Variants in IL1RAPL2 observed in about 807,000 individuals in gnomAD.
IL1RAPL2 encodes the protein X-linked interleukin-1 receptor accessory protein-like 2.
In IL1RAPL2, 3 loss-of-function variants were observed where a neutral mutation model predicts 44.1. That is an observed-to-expected ratio of 0.07 (90% CI 0.03 to 0.18). The LOEUF (loss-of-function observed/expected upper bound fraction) is 0.18, where lower values mean the gene tolerates loss of function less well. IL1RAPL2 is among the 10% of genes least tolerant of loss of function. IL1RAPL2 has a pLI of 1.00. For synonymous variants in IL1RAPL2, 181 were observed against 178.8 expected, an observed-to-expected ratio of 1.01 and a Z score of -0.10; for missense variants, 391 against 496.4, an observed-to-expected ratio of 0.79 and a Z score of 2.02.
At chrX:105,274,864 A>G (rs1414607752) in intron 5 of IL1RAPL2, among the ~76,000 whole-genome samples, 1 of 111,616 alleles carries the variant, frequency 9.0e-6, no homozygotes, top group Non-Finnish European at 1.9e-5. Flanking sequence ...TTTGCAGGGT[A>G]TCTCAGGGCA....
At chrX:105,136,300 C>T (rs951303129) in intron 2 of IL1RAPL2, among the ~76,000 whole-genome samples, 1 of 111,803 alleles carries the variant, frequency 8.9e-6, no homozygotes, top group African/African-American at 3.3e-5. Context: ...AAGACCCAGG[C>T]TTATATTAGA....
chrX:105,285,609 C>G (rs1290409763), intron 5 of IL1RAPL2, among the ~76,000 whole-genome samples: 1 of 111,361 alleles, frequency 9.0e-6, no homozygotes. Context: ...AATTTATGTG[C>G]CCCCAAAGAC....
At chrX:105,683,869 C>A (rs2037946449) in intron 6 of IL1RAPL2, among the ~76,000 whole-genome samples, 2 of 112,179 alleles carry the variant, frequency 1.8e-5, no homozygotes, top group African/African-American at 6.5e-5. Context: ...CTCAAAGTTG[C>A]AAAATGAACA....
intron 2 of IL1RAPL2, among the ~76,000 whole-genome samples, chrX:104,964,680 TCAAAGA>T (rs2030084695): frequency 9.0e-6 from 1 of 111,336 alleles, no homozygotes; most frequent in Non-Finnish European, 1.9e-5. Context: ...CGAATTAACA[TCAAAGA>T]CAAACAGATA....
chrX:104,907,793 G>T (rs1242946008), intron 2 of IL1RAPL2, among the ~76,000 whole-genome samples: 1 of 110,922 alleles, frequency 9.0e-6, no homozygotes, highest in African/African-American at 3.3e-5. Context: ...ATTTGGGGTG[G>T]AGAGTTCTGT....
intron 2 of IL1RAPL2, among the ~76,000 whole-genome samples, chrX:104,667,796 C>G (rs1378573676): frequency 8.9e-6 from 1 of 111,739 alleles, no homozygotes; most frequent in African/African-American, 3.3e-5. Context: ...AGTTTATGCT[C>G]TTTCCACAAC....
chrX:105,047,659 AAGTG>A (rs1290531607), intron 2 of IL1RAPL2, among the ~76,000 whole-genome samples: 1 of 111,577 alleles, frequency 9.0e-6, no homozygotes, highest in Non-Finnish European at 1.9e-5. Context: ...GCTCATTAAA[AAGTG>A]CCTGCTCTAG....
intron 2 of IL1RAPL2, among the ~76,000 whole-genome samples, chrX:104,767,746 C>T (rs1355353729): frequency 8.9e-6 from 1 of 111,792 alleles, no homozygotes; most frequent in East Asian, 2.8e-4. Context: ...TCAAATGGTG[C>T]AAAGTCCCTG....
rs753366292 is a variant in IL1RAPL2 at position 105,248,059 on chromosome X, G to A, written c.543+14055G>A. On this transcript the variant is annotated intron_variant, in intron 4 of 10. Transcript: ENST00000372582. ...CATTTTGCTGCATAATAGTTGACAG[G>A]ACAGAACTACCTTATTTTATTCAAT... 2.6e-4 allele frequency among the ~76,000 whole-genome samples: 29 copies of A among 110,922 alleles called. No individual in the cohort carries two copies. In the South Asian group the frequency reaches 0.011, roughly 42 times the overall value.
intron 5 of IL1RAPL2, among the ~76,000 whole-genome samples, chrX:105,370,830 T>A (rs748376629): frequency 2.8e-4 from 31 of 112,464 alleles, no homozygotes; most frequent in Non-Finnish European, 5.3e-4. Flanking sequence ...TGAACATGGC[T>A]TTCCACGTGG....
chrX:104,801,585 C>G (rs1303533744), intron 2 of IL1RAPL2, among the ~76,000 whole-genome samples: 2 of 111,623 alleles, frequency 1.8e-5, no homozygotes, highest in African/African-American at 6.5e-5. Flanking sequence ...TTTTCCTAGT[C>G]TAGAAGTGCA....
At chrX:105,075,651 A>G (rs1270539104) in intron 2 of IL1RAPL2, among the ~76,000 whole-genome samples, 3 of 111,939 alleles carry the variant, frequency 2.7e-5, no homozygotes, top group African/African-American at 9.7e-5. Context: ...GGTGGAATTC[A>G]GCTGTGAATC....
chrX:104,811,278 C>A (rs1292371840), intron 2 of IL1RAPL2, among the ~76,000 whole-genome samples: 1 of 111,229 alleles, frequency 9.0e-6, no homozygotes, highest in Admixed American at 9.6e-5. Flanking sequence ...GGTAAAACTA[C>A]AGAGTTCAAG....
chrX:105,391,194 A>T (rs928345982), intron 5 of IL1RAPL2, among the ~76,000 whole-genome samples: 2 of 111,746 alleles, frequency 1.8e-5, no homozygotes, highest in African/African-American at 6.5e-5. Flanking sequence ...TAATCATGTT[A>T]TAGGGTGCCT....
At chrX:104,639,030 T>C (rs1929881750) in intron 1 of IL1RAPL2, among the ~76,000 whole-genome samples, 1 of 112,594 alleles carries the variant, frequency 8.9e-6, no homozygotes, top group South Asian at 3.7e-4. Flanking sequence ...TGAATCTGGG[T>C]ACCCCAATGT....
intron 2 of IL1RAPL2, among the ~76,000 whole-genome samples, chrX:104,708,678 T>G (rs1931402717): frequency 9.0e-6 from 1 of 111,285 alleles, no homozygotes; most frequent in South Asian, 3.8e-4. Flanking sequence ...GTGGTGTGAC[T>G]GAGAGGTGGA....
At position 105,412,306 on chromosome X, in the gene IL1RAPL2, GTA is replaced by G. The variant is rs56979628; in HGVS notation, c.698-71974_698-71973del. Among the ~76,000 whole-genome samples, 259 of 93,165 alleles carry G rather than the reference GTA, an allele frequency of 2.8e-3. 3 individuals carry two copies. In the South Asian group the frequency reaches 0.045, roughly 16 times the overall value. The allele number at this position is 93,165 out of a possible 115,157, so 80.9% of individuals were successfully genotyped here. ...GCAGATGAGTGATAAGAAAAATGTA[GTA>G]TATATATATATATATATATATATAT... On this transcript the variant is annotated intron_variant, in intron 5 of 10. Coordinates refer to ENST00000372582, the MANE Select transcript of IL1RAPL2 (RefSeq NM_017416.2).
intron 2 of IL1RAPL2, among the ~76,000 whole-genome samples, chrX:104,799,655 C>A (rs1256400176): frequency 8.9e-6 from 1 of 111,844 alleles, no homozygotes; most frequent in African/African-American, 3.3e-5. Context: ...TAAAACATCA[C>A]CTAAACATGT....
chrX:104,692,554 A>T (rs1343776398), intron 2 of IL1RAPL2, among the ~76,000 whole-genome samples: 2 of 105,202 alleles, frequency 1.9e-5, no homozygotes, highest in Non-Finnish European at 3.9e-5. Context: ...TCCTGTGTCC[A>T]TGTGTTCTCA....
Sources: allele counts gnomAD v4.1 joint callset (sites outside exome capture counted in the v4.1 genomes callset), GRCh38; gene constraint gnomAD v4.1.1; transcripts MANE v1.5; gene names NCBI Gene and HGNC (gene_info 2026-07-23, HGNC 2026-07-21).